Variants in PCDH7 observed in about 807,000 individuals in gnomAD.
PCDH7 encodes the protein protocadherin 7.
Under a neutral mutation model 58.9 loss-of-function variants are expected in PCDH7, and 17 were observed. That is an observed-to-expected ratio of 0.29 (90% CI 0.20 to 0.43). PCDH7 has a LOEUF of 0.43. PCDH7 is among the 20% of genes least tolerant of loss of function. The pLI is 1.00. For missense variants in PCDH7, 1,274 were observed against 1,441.0 expected (o/e 0.88, Z 1.88); for synonymous variants, 664 against 616.4 (o/e 1.08, Z -1.14).
chr4:30,746,387 G>C (rs1289970528), intron 1 of PCDH7, among the ~76,000 whole-genome samples: 1 of 152,142 alleles, frequency 6.6e-6, no homozygotes. Flanking sequence ...ATTAGCTTTG[G>C]TTGTAAGGCC....
intron 1 of PCDH7, among the ~76,000 whole-genome samples, chr4:30,852,127 T>A (rs1732838672): frequency 6.6e-6 from 1 of 152,098 alleles, no homozygotes; most frequent in Non-Finnish European, 1.5e-5. Context: ...GATTGTAATA[T>A]AAGCATTTCT....
intron 1 of PCDH7, among the ~76,000 whole-genome samples, chr4:30,766,066 G>A (rs1298339013): frequency 6.6e-6 from 1 of 151,506 alleles, no homozygotes; most frequent in South Asian, 2.1e-4. Context: ...CACAGGAAAA[G>A]TGGCTGGGGA....
intron 3 of PCDH7, among the ~76,000 whole-genome samples, chr4:30,964,025 A>C (rs2109463563): frequency 6.6e-6 from 1 of 152,324 alleles, no homozygotes; most frequent in Non-Finnish European, 1.5e-5. Context: ...GGAAATACAT[A>C]TAATTTGGCT....
intron 1 of PCDH7, among the ~76,000 whole-genome samples, chr4:30,851,548 G>C (rs1490297062): frequency 6.6e-6 from 1 of 151,992 alleles, no homozygotes; most frequent in Non-Finnish European, 1.5e-5. Context: ...AATGAATGAA[G>C]ACTAAATGGT....
chr4:31,078,323 G>T (rs549430360), intron 3 of PCDH7, among the ~76,000 whole-genome samples: 4 of 151,944 alleles, frequency 2.6e-5, no homozygotes, highest in Non-Finnish European at 5.9e-5. Flanking sequence ...TCGCTCTGCA[G>T]CCAGGCTAGA....
chr4:31,051,163 A>C (rs1411524071), intron 3 of PCDH7, among the ~76,000 whole-genome samples: 1 of 152,092 alleles, frequency 6.6e-6, no homozygotes, highest in African/African-American at 2.4e-5. Context: ...TTGAATCCCC[A>C]AGCAAACATG....
intron 3 of PCDH7, among the ~76,000 whole-genome samples, chr4:31,056,320 A>G (rs553859002): frequency 3.4e-4 from 52 of 151,646 alleles, no homozygotes; most frequent in South Asian, 2.1e-3. Flanking sequence ...GTAAGCCGTA[A>G]TAGTGTCACT....
At chr4:31,041,610 G>A (rs1003202097) in intron 3 of PCDH7, among the ~76,000 whole-genome samples, 4 of 151,782 alleles carry the variant, frequency 2.6e-5, no homozygotes, top group South Asian at 2.1e-4. Flanking sequence ...GTCCTACAAC[G>A]AAAAGAATTG....
chr4:30,964,353 T>C (rs1205174618), intron 3 of PCDH7, among the ~76,000 whole-genome samples: 2 of 151,864 alleles, frequency 1.3e-5, no homozygotes, highest in African/African-American at 4.8e-5. Flanking sequence ...GACATTATCC[T>C]GCCTCAGCCT....
At chr4:31,063,720 T>G (rs982021335) in intron 3 of PCDH7, among the ~76,000 whole-genome samples, 1 of 151,900 alleles carries the variant, frequency 6.6e-6, no homozygotes, top group Admixed American at 6.6e-5. Flanking sequence ...ATTCAGTATT[T>G]AAATTTTCTG....
At chr4:30,898,833 C>T (rs959484302) in intron 1 of PCDH7, among the ~76,000 whole-genome samples, 3 of 152,088 alleles carry the variant, frequency 2.0e-5, no homozygotes, top group African/African-American at 4.8e-5. Context: ...CCTCGTGATC[C>T]GCCCGCCTCG....
At chr4:30,842,247 A>G (rs1731308524) in intron 1 of PCDH7, among the ~76,000 whole-genome samples, 1 of 152,142 alleles carries the variant, frequency 6.6e-6, no homozygotes. Flanking sequence ...GGGGTTGGGC[A>G]CCCAGAAATA....
At chr4:30,852,938 T>C (rs4235012) in intron 1 of PCDH7, among the ~76,000 whole-genome samples, 102,341 of 151,580 alleles carry the variant, frequency 0.68, 36,380 homozygotes, top group African/African-American at 0.91. Flanking sequence ...TCGGAGATGG[T>C]AAATGGGTTT....
At chr4:30,926,737 C>A (rs1743923624) in intron 2 of PCDH7, among the ~76,000 whole-genome samples, 1 of 152,104 alleles carries the variant, frequency 6.6e-6, no homozygotes, top group South Asian at 2.1e-4. Context: ...CCAACCGACT[C>A]TTTGTGTTCT....
chr4:30,869,370 G>C (rs2109360708), intron 1 of PCDH7, among the ~76,000 whole-genome samples: 1 of 152,090 alleles, frequency 6.6e-6, no homozygotes, highest in Admixed American at 6.6e-5. Context: ...GTGCCATGGT[G>C]GTTTGCTGCA....
chr4:30,840,146 T>A (rs1731023292), intron 1 of PCDH7, among the ~76,000 whole-genome samples: 1 of 149,762 alleles, frequency 6.7e-6, no homozygotes, highest in South Asian at 2.1e-4. Flanking sequence ...TTCTTTTCAG[T>A]TATTTTTTTT....
chr4:30,731,622 T>C (rs964706314), exon 2 of PCDH7: 1 of 152,164 alleles, frequency 6.6e-6, no homozygotes, highest in Non-Finnish European at 1.5e-5. Flanking sequence ...TTTCTGTTCT[T>C]TATGGACTAC....
intron 1 of PCDH7, among the ~76,000 whole-genome samples, chr4:30,752,193 G>T (rs548518329): frequency 6.6e-6 from 1 of 151,914 alleles, no homozygotes; most frequent in Non-Finnish European, 1.5e-5. Context: ...GAGTGCAGTG[G>T]CGTGATCCCG....
intron 1 of PCDH7, among the ~76,000 whole-genome samples, chr4:30,805,194 T>A (rs1377257837): frequency 6.6e-6 from 1 of 152,170 alleles, no homozygotes; most frequent in Non-Finnish European, 1.5e-5. Context: ...CAGGATTTTG[T>A]TTTTATGTAT....
Sources: gnomAD v4.1 joint callset for allele counts (sites outside exome capture counted in the v4.1 genomes callset) on GRCh38, gnomAD v4.1.1 for gene constraint, MANE v1.5 for transcripts, NCBI Gene and HGNC (gene_info 2026-07-23, HGNC 2026-07-21) for gene names.